SAMD5: variants seen among roughly 807,000 people sequenced by gnomAD.
SAMD5 encodes the protein sterile alpha motif domain containing 5.
A neutral mutation model predicts 11.3 loss-of-function variants in SAMD5; 13 were observed. That is an observed-to-expected ratio of 1.15 (90% confidence interval 0.75 to 1.83). The LOEUF (loss-of-function observed/expected upper bound fraction) is 1.83, where lower values mean the gene tolerates loss of function less well. SAMD5 is among the 40% of genes most tolerant of loss of function. The probability of loss-of-function intolerance (pLI) is 0.00; values close to 1 mark genes in which losing one functional copy is unlikely to be tolerated. For synonymous variants in SAMD5, 129 were observed against 111.3 expected (o/e 1.16, Z -1.00); for missense variants, 255 against 239.1 (o/e 1.07, Z -0.44).
chr6:147,817,050 C>G, the SAMD5 span, among the ~76,000 whole-genome samples: 1 of 152,142 alleles, frequency 6.6e-6, no homozygotes, highest in Non-Finnish European at 1.5e-5. Context: ...TGGTTCATCA[C>G]GAGTTTCCTT....
chr6:147,935,468 A>T, the SAMD5 span, among the ~76,000 whole-genome samples: 1 of 152,198 alleles, frequency 6.6e-6, no homozygotes, highest in Admixed American at 6.5e-5. Flanking sequence ...GTAGAGAAGG[A>T]ATAACATAAG....
the SAMD5 span, among the ~76,000 whole-genome samples, chr6:147,788,922 G>T: frequency 6.6e-6 from 1 of 151,502 alleles, no homozygotes; most frequent in Non-Finnish European, 1.5e-5. Context: ...TCTTTACTAA[G>T]AATACAAAAA....
intron 1 of SAMD5, among the ~76,000 whole-genome samples, chr6:147,612,496 C>G (rs150002692): frequency 6.6e-6 from 1 of 152,318 alleles, no homozygotes; most frequent in Non-Finnish European, 1.5e-5. Context: ...CACTTCATTA[C>G]TTGGCACTGA....
At chr6:147,741,488 G>A (rs550136613), downstream of SAMD5, 2 of 152,336 alleles carry the variant, frequency 1.3e-5, no homozygotes, top group African/African-American at 4.8e-5. Flanking sequence ...AACTGTTGAA[G>A]TGTATCTGTT....
At chr6:147,796,449 A>C in the SAMD5 span, among the ~76,000 whole-genome samples, 3 of 152,142 alleles carry the variant, frequency 2.0e-5, no homozygotes, top group Non-Finnish European at 2.9e-5. Context: ...TACCAGTACC[A>C]TGCTGTTTTG....
chr6:147,580,554 G>A (rs1165877423), intron 1 of SAMD5, among the ~76,000 whole-genome samples: 1 of 152,170 alleles, frequency 6.6e-6, no homozygotes, highest in Non-Finnish European at 1.5e-5. Flanking sequence ...CTGGTCACTG[G>A]GGTAGCCCCT....
At chr6:147,545,042 A>G (rs1280936391) in intron 1 of SAMD5, among the ~76,000 whole-genome samples, 1 of 152,214 alleles carries the variant, frequency 6.6e-6, no homozygotes, top group Non-Finnish European at 1.5e-5. Flanking sequence ...CAGTAATAAT[A>G]AAAATGATTC....
intron 1 of SAMD5, among the ~76,000 whole-genome samples, chr6:147,710,217 AT>A (rs1791377246): frequency 6.6e-6 from 1 of 152,148 alleles, no homozygotes; most frequent in Non-Finnish European, 1.5e-5. Context: ...TTTCCCTGCT[AT>A]GAGACTGGGT....
chr6:147,808,077 A>T, the SAMD5 span, among the ~76,000 whole-genome samples: 1 of 152,238 alleles, frequency 6.6e-6, no homozygotes, highest in African/African-American at 2.4e-5. Context: ...GAGAGTCTAG[A>T]CAAGCTGGTA....
At chr6:147,832,900 C>T in the SAMD5 span, among the ~76,000 whole-genome samples, 3 of 152,156 alleles carry the variant, frequency 2.0e-5, no homozygotes, top group African/African-American at 7.2e-5. Context: ...CTAAGCTCAA[C>T]TTGTCTGATA....
At chr6:147,643,788 GGAAGGAA>G (rs1562341135) in intron 1 of SAMD5, among the ~76,000 whole-genome samples, 2 of 145,078 alleles carry the variant, frequency 1.4e-5, no homozygotes, top group Non-Finnish European at 3.0e-5. Context: ...AAGGAAGGAA[GGAAGGAA>G]AGAGAGAGAG....
chr6:147,697,449 G>C (rs780836935), intron 1 of SAMD5, among the ~76,000 whole-genome samples: 9 of 152,128 alleles, frequency 5.9e-5, no homozygotes, highest in Admixed American at 5.2e-4. Flanking sequence ...ATGTAGGCTA[G>C]TAACACATAA....
At chr6:147,688,249 A>C (rs1791046379) in intron 1 of SAMD5, among the ~76,000 whole-genome samples, 1 of 151,738 alleles carries the variant, frequency 6.6e-6, no homozygotes, top group Non-Finnish European at 1.5e-5. Context: ...AAAATCTGTC[A>C]CTTTATACTG....
chr6:147,928,546 T>A, the SAMD5 span, among the ~76,000 whole-genome samples: 20,077 of 152,070 alleles, frequency 0.13, 1,589 homozygotes, highest in African/African-American at 0.21. Flanking sequence ...ATTTATTTGG[T>A]TCTTCTCTCT....
At chr6:147,666,306 T>C (rs1447780047) in intron 1 of SAMD5, among the ~76,000 whole-genome samples, 1 of 152,230 alleles carries the variant, frequency 6.6e-6, no homozygotes, top group Admixed American at 6.5e-5. Context: ...TTAAAAGATG[T>C]GTATCGGATG....
Position 147,688,319 on chromosome 6 carries a change from A to G in SAMD5, c.163-48998A>G, listed in dbSNP as rs143900655. 4.4e-3 allele frequency among the ~76,000 whole-genome samples: 677 copies of G among 152,228 alleles called. 3 individuals carry two copies. Among genetic ancestry groups the G allele is most frequent in the Non-Finnish European group, 7.2e-3 (492 of 68,020 alleles). On this transcript the variant is annotated intron_variant, in intron 1 of 1. Coordinates refer to the SAMD5 transcript ENST00000566741. Reference sequence around the variant, plus strand: ...TTTTAATTTGCTTTTGTCACCTAATATTCTTGGTAATTTTTTATTTATTGC... The same window carrying G: ...TTTTAATTTGCTTTTGTCACCTAATGTTCTTGGTAATTTTTTATTTATTGC...
chr6:147,551,667 G>A (rs1197864152), intron 1 of SAMD5, among the ~76,000 whole-genome samples: 1 of 151,628 alleles, frequency 6.6e-6, no homozygotes, highest in Non-Finnish European at 1.5e-5. Flanking sequence ...TGCACATTAT[G>A]TCCTAAAATA....
At chr6:147,714,520 G>A (rs1367017771) in intron 1 of SAMD5, among the ~76,000 whole-genome samples, 1 of 152,174 alleles carries the variant, frequency 6.6e-6, no homozygotes, top group Non-Finnish European at 1.5e-5. Flanking sequence ...TGGAAGAGGG[G>A]AGGGGGACAA....
intron 1 of SAMD5, among the ~76,000 whole-genome samples, chr6:147,515,558 A>G (rs1356648800): frequency 7.3e-5 from 11 of 151,520 alleles, no homozygotes; most frequent in Non-Finnish European, 1.3e-4. Flanking sequence ...TTACCCATCC[A>G]TCTCTCCATT....
Sources: allele counts gnomAD v4.1 joint callset (sites outside exome capture counted in the v4.1 genomes callset), GRCh38; gene constraint gnomAD v4.1.1; transcripts MANE v1.5; gene names NCBI Gene and HGNC (gene_info 2026-07-23, HGNC 2026-07-21).